The following EVA1C variants were observed in gnomAD, a reference collection of about 807,000 sequenced individuals.
EVA1C encodes eva-1 homolog C.
Under a neutral mutation model 45.4 loss-of-function variants are expected in EVA1C, and 25 were observed. The ratio of observed to expected loss-of-function variants is 0.55; its 90% CI spans 0.40 to 0.77. EVA1C has a LOEUF of 0.77. Among genes scored for constraint, EVA1C ranks in the 30% least tolerant of loss-of-function variants. EVA1C has a pLI of 0.00. For synonymous variants in EVA1C, 190 were observed against 221.2 expected, an observed-to-expected ratio of 0.86 and a Z score of 1.25; for missense variants, 479 against 554.8, an observed-to-expected ratio of 0.86 and a Z score of 1.37.
chr21:32,437,501 G>A (rs1343565055), intron 1 of EVA1C, among the ~76,000 whole-genome samples: 2 of 152,224 alleles, frequency 1.3e-5, no homozygotes, highest in Non-Finnish European at 2.9e-5. Flanking sequence ...CCAGCCTGCA[G>A]TAGCTCCCGC....
intron 1 of EVA1C, chr21:32,428,363 C>G (rs1448397473): frequency 6.6e-6 from 1 of 152,228 alleles, no homozygotes; most frequent in East Asian, 1.9e-4. Flanking sequence ...ATGGATTGCA[C>G]CAGGCTGGGT....
intron 2 of EVA1C, 112 bp from the exon 3 acceptor site, chr21:32,457,485 C>A: frequency 1.6e-6 from 2 of 1,267,276 alleles, no homozygotes; most frequent in African/African-American, 1.5e-5. Flanking sequence ...CACAGCTTGG[C>A]CAGGTGGGGA....
At chr21:32,478,651 C>T (rs1338932115) in intron 4 of EVA1C, among the ~76,000 whole-genome samples, 1 of 152,264 alleles carries the variant, frequency 6.6e-6, no homozygotes, top group African/African-American at 2.4e-5. Flanking sequence ...GTGACCATCA[C>T]TGGTGACCAA....
At chr21:32,450,371 T>C (rs2011338) in intron 1 of EVA1C, among the ~76,000 whole-genome samples, 33,414 of 144,916 alleles carry the variant, frequency 0.23, 3,844 homozygotes, top group Admixed American at 0.32. Flanking sequence ...TCTGCTTCTC[T>C]GGAGCCTTGT....
intron 4 of EVA1C, among the ~76,000 whole-genome samples, chr21:32,492,534 A>C (rs888194533): frequency 6.6e-6 from 1 of 152,102 alleles, no homozygotes; most frequent in African/African-American, 2.4e-5. Flanking sequence ...AGACATGCAC[A>C]GGACTTTGTG....
intron 4 of EVA1C, among the ~76,000 whole-genome samples, chr21:32,472,315 C>A (rs113415081): frequency 6.6e-6 from 1 of 152,118 alleles, no homozygotes; most frequent in Admixed American, 6.6e-5. Flanking sequence ...TGTGCCACCA[C>A]ACCCAGCTAA....
At chr21:32,427,503 A>G (rs1340762081) in intron 1 of EVA1C, among the ~76,000 whole-genome samples, 2 of 151,578 alleles carry the variant, frequency 1.3e-5, no homozygotes, top group Admixed American at 6.6e-5. Context: ...TCACGAGGTC[A>G]AGAGGTTGAG....
Position 32,504,102 on chromosome 21 carries a change from G to T in EVA1C, c.949+87G>T, listed in dbSNP as rs2037646934. The T allele has an allele frequency of 8.8e-6, 8 of 907,612 alleles. No homozygotes were observed. In the South Asian group the frequency reaches 1.0e-4, roughly 12 times the overall value. The allele number at this position is 907,612 out of a possible 1,614,324, so 56.2% of individuals were successfully genotyped here. A position where few individuals can be genotyped will look rare whatever the true frequency, so the allele number is the denominator to read the frequency against. On this transcript the variant is annotated intron_variant, in intron 7 of 7. Coordinates refer to ENST00000300255, the MANE Select transcript of EVA1C (RefSeq NM_058187.5). The stretch of plus-strand genomic sequence containing the variant: ...ATGTGCTGTTCAATTATAGCACTCA[G>T]ATAACTAAAGGACGATGACTTCAAG...
intron 7 of EVA1C, among the ~76,000 whole-genome samples, chr21:32,509,003 CA>C (rs2037862528): frequency 6.6e-6 from 1 of 152,112 alleles, no homozygotes. Flanking sequence ...TTTGTTTTTC[CA>C]GAATACGGAA....
intron 3 of EVA1C, among the ~76,000 whole-genome samples, chr21:32,466,146 C>T (rs1053511553): frequency 1.2e-4 from 19 of 152,278 alleles, no homozygotes; most frequent in African/African-American, 4.1e-4. Flanking sequence ...ATTGGCCGGG[C>T]GCTTTGGCTC....
At position 32,417,932 on chromosome 21, in the gene EVA1C, C is replaced by T. The variant is rs78919633; in HGVS notation, c.160+4919C>T. Reference sequence around the variant, plus strand: ...CTCCCCAGGCAATTCTAATATGCAGCTAGAGTTGAGGACACCTCTGGAGTT... The same window carrying T: ...CTCCCCAGGCAATTCTAATATGCAGTTAGAGTTGAGGACACCTCTGGAGTT... On this transcript the variant is annotated intron_variant, in intron 1 of 7. Coordinates refer to ENST00000300255, the MANE Select transcript of EVA1C (RefSeq NM_058187.5). Among the ~76,000 whole-genome samples the T allele has an allele frequency of 5.2e-3, 793 of 152,244 alleles. 9 individuals are homozygous for T. Among genetic ancestry groups the T allele is most frequent in the Admixed American group, 0.028 (421 of 15,290 alleles).
At chr21:32,458,441 C>A (rs1420828928) in intron 3 of EVA1C, among the ~76,000 whole-genome samples, 2 of 150,510 alleles carry the variant, frequency 1.3e-5, no homozygotes, top group Non-Finnish European at 2.9e-5. Flanking sequence ...TGCAAAGAAA[C>A]GATAGCAGTG....
intron 4 of EVA1C, among the ~76,000 whole-genome samples, chr21:32,471,863 C>T (rs1430654506): frequency 1.3e-5 from 2 of 150,596 alleles, no homozygotes; most frequent in Admixed American, 6.6e-5. Context: ...CTCCTGACCT[C>T]GTGATCCACC....
intron 1 of EVA1C, among the ~76,000 whole-genome samples, chr21:32,441,606 A>G (rs2035176883): frequency 1.3e-5 from 2 of 152,116 alleles, no homozygotes; most frequent in East Asian, 1.9e-4. Context: ...ATGGATTGAC[A>G]TGTGTAGACA....
At chr21:32,437,764 T>C (rs1264207350) in intron 1 of EVA1C, among the ~76,000 whole-genome samples, 5 of 152,178 alleles carry the variant, frequency 3.3e-5, no homozygotes, top group Admixed American at 3.3e-4. Flanking sequence ...CTACACACCC[T>C]GCGTTTCCTC....
intron 1 of EVA1C, among the ~76,000 whole-genome samples, chr21:32,443,423 G>A (rs2035251740): frequency 6.6e-6 from 1 of 152,140 alleles, no homozygotes; most frequent in African/African-American, 2.4e-5. Flanking sequence ...GTAATTCCCA[G>A]CTACTTGTGA....
At chr21:32,435,273 T>G (rs1482557634) in intron 1 of EVA1C, among the ~76,000 whole-genome samples, 1 of 152,202 alleles carries the variant, frequency 6.6e-6, no homozygotes, top group African/African-American at 2.4e-5. Context: ...AGGCTGATCT[T>G]GAACTCCTGG....
Position 32,412,867 on chromosome 21 carries a change from G to A in EVA1C, c.14G>A (p.Gly5Glu). The change falls in exon 1 of 8, where the codon GGA (glycine) becomes GAA (glutamate). Residue 5 changes from glycine to glutamate, a missense_variant. Transcript: ENST00000300255. ...GCGCAGCGCACGATGCTTCTGCCGG[G>A]ACGCGCACGCCAACCGCCGACGCCC... MLLP[G>E]RARQPPTPQP... 2.0e-6 allele frequency: 3 copies of A among 1,494,404 alleles called. No homozygotes were observed. The highest frequency in any genetic ancestry group is 2.7e-6 in the Non-Finnish European group (3 of 1,128,012). The allele number at this position is 1,494,404 out of a possible 1,614,324, so 92.6% of individuals were successfully genotyped here.
intron 1 of EVA1C, among the ~76,000 whole-genome samples, chr21:32,447,769 G>A (rs936475884): frequency 2.0e-5 from 3 of 151,982 alleles, no homozygotes; most frequent in East Asian, 1.9e-4. Context: ...GCAATGGCGC[G>A]ATCTCAGCTC....
Sources: gnomAD v4.1 joint callset for allele counts (sites outside exome capture counted in the v4.1 genomes callset) on GRCh38, gnomAD v4.1.1 for gene constraint, MANE v1.5 for transcripts, NCBI Gene and HGNC (gene_info 2026-07-23, HGNC 2026-07-21) for gene names.